Variants in ASMTL observed in about 807,000 individuals in gnomAD.
ASMTL encodes probable bifunctional dTTP/UTP pyrophosphatase/methyltransferase protein.
In ASMTL, 57 loss-of-function variants were observed where a neutral mutation model predicts 60.3. That is an observed-to-expected ratio of 0.95 (90% CI 0.76 to 1.18). The LOEUF (loss-of-function observed/expected upper bound fraction) is 1.18. ASMTL is among the 50% of genes most tolerant of loss of function. ASMTL has a pLI of 0.00. For synonymous variants in ASMTL, 419 were observed against 373.0 expected, an observed-to-expected ratio of 1.12 and a Z score of -1.42; for missense variants, 981 against 852.6, an observed-to-expected ratio of 1.15 and a Z score of -1.88.
At chrX:1,444,288 A>AAGCTC (rs1169936506) in intron 1 of ASMTL, among the ~76,000 whole-genome samples, 20 of 150,514 alleles carry the variant, frequency 1.3e-4, no homozygotes, top group African/African-American at 4.4e-4. Context: ...GGCTCACTGC[A>AAGCTC]AGCTCCATCT....
rs1327115979 is a variant in ASMTL, at chrX:1,432,753, C to G, written c.401-376G>C. On this transcript the variant is annotated intron_variant, in intron 5 of 12. Transcript: ENST00000381317. ...CTGAGGCAGGAGAATCGCTTGAACC[C>G]GGGAGGTGCAGGTTGCAGTGAGCCG... 1.6e-3 allele frequency among the ~76,000 whole-genome samples: 240 copies of G among 152,046 alleles called. 1 individual carries two copies. Among genetic ancestry groups the G allele is most frequent in the African/African-American group, 5.6e-3 (231 of 41,458 alleles).
intron 12 of ASMTL, among the ~76,000 whole-genome samples, chrX:1,405,233 G>A (rs1358274567): frequency 6.7e-6 from 1 of 150,200 alleles, no homozygotes; most frequent in South Asian, 2.1e-4. Context: ...TAGATGGATG[G>A]ATGGGTGAAC....
intron 11 of ASMTL, among the ~76,000 whole-genome samples, chrX:1,415,220 C>CGTGAGCCTGGGCACGTGGCCCAGGT (rs1363600814): frequency 1.3e-5 from 2 of 152,138 alleles, no homozygotes; most frequent in African/African-American, 4.8e-5. Context: ...GGATTCCAGG[C>CGTGAGCCTGGGCACGTGGCCCAGGT]GTCTCCTGTC....
chrX:1,444,105 C>A (rs2091181631), intron 1 of ASMTL, among the ~76,000 whole-genome samples: 1 of 152,204 alleles, frequency 6.6e-6, no homozygotes, highest in South Asian at 2.1e-4. Context: ...TCCCCTCCGA[C>A]CAGAGACAGT....
At chrX:1,444,693 CTCTT>C (rs1339267318) in intron 1 of ASMTL, among the ~76,000 whole-genome samples, 1 of 152,104 alleles carries the variant, frequency 6.6e-6, no homozygotes, top group Admixed American at 6.6e-5. Context: ...CTCTCTCTCC[CTCTT>C]TGAGTGTTGG....
In ASMTL at chrX:1,424,008, ATCCATCCATCTG is replaced by A. The variant is rs1466300394; in HGVS notation, c.1060+1505_1060+1516del. 4.7e-3 allele frequency among the ~76,000 whole-genome samples: 698 copies of A among 149,552 alleles called. 6 individuals are homozygous for A. The highest frequency in any genetic ancestry group is 0.016 in the African/African-American group (625 of 40,216). On this transcript the variant is annotated intron_variant, in intron 8 of 12. Transcript: ENST00000381317. ...CATTCCCCCACCCATCCAATCACTCATCCATCCATCTGTCCATCCATCCATCCATCCACCCAC... is the reference window on the plus strand; with the variant it reads ...CATTCCCCCACCCATCCAATCACTCATCCATCCATCCATCCATCCACCCAC...
chrX:1,403,518 C>G, intron 12 of ASMTL, 29 bp from the exon 13 acceptor site: 1 of 1,603,382 alleles, frequency 6.2e-7, no homozygotes. Context: ...AGCTGGAGTC[C>G]TGGCCAGCCA....
rs1164197061 is a variant in ASMTL at position 1,430,828 on chromosome X, A to C, written c.509+1441T>G. On this transcript the variant is annotated intron_variant, in intron 6 of 12. Coordinates refer to ENST00000381317, the MANE Select transcript of ASMTL (RefSeq NM_004192.4). ...TATAAAATAAACATATATTTTATAC[A>C]AATGTATTTATATACATATATTTAT... Among the ~76,000 whole-genome samples, 4 of 146,680 alleles carry C rather than the reference A, an allele frequency of 2.7e-5. No homozygotes were observed. The East Asian group carries it at 5.9e-4, about 21-fold the overall frequency.
chrX:1,444,116 C>T (rs1487429863), intron 1 of ASMTL, among the ~76,000 whole-genome samples: 2 of 152,224 alleles, frequency 1.3e-5, no homozygotes, highest in Non-Finnish European at 2.9e-5. Context: ...CAGAGACAGT[C>T]CAACCCCGCA....
intron 1 of ASMTL, among the ~76,000 whole-genome samples, chrX:1,443,048 C>G (rs758251639): frequency 0.071 from 6,574 of 92,702 alleles, 464 homozygotes; most frequent in African/African-American, 0.18. Flanking sequence ...GGACGCATAC[C>G]ACCATCGTGG....
intron 4 of ASMTL, chrX:1,435,451 C>T (rs1172568175): frequency 3.2e-6 from 2 of 618,662 alleles, no homozygotes; most frequent in East Asian, 2.7e-5. Flanking sequence ...CTTCTCATGA[C>T]CCCAACAGTC....
chrX:1,407,454 G>A (rs1217427755), intron 12 of ASMTL, among the ~76,000 whole-genome samples: 1 of 150,110 alleles, frequency 6.7e-6, no homozygotes, highest in African/African-American at 2.5e-5. Flanking sequence ...GTAGATGATA[G>A]GTAGATAGAT....
chrX:1,437,553 A>C (rs1242897990), intron 3 of ASMTL, among the ~76,000 whole-genome samples: 9 of 151,946 alleles, frequency 5.9e-5, no homozygotes, highest in African/African-American at 2.2e-4. Context: ...GAGATGTCTT[A>C]GTCCATTTCA....
At chrX:1,416,595 A>G (rs1354163826) in intron 11 of ASMTL, among the ~76,000 whole-genome samples, 2 of 115,790 alleles carry the variant, frequency 1.7e-5, no homozygotes, top group African/African-American at 3.4e-5. Context: ...AGACATACAC[A>G]CATATACCCA....
At chrX:1,417,518 G>C (rs28656406) in intron 11 of ASMTL, among the ~76,000 whole-genome samples, 1 of 30,344 alleles carries the variant, frequency 3.3e-5, no homozygotes, top group Non-Finnish European at 8.8e-5. Context: ...TACAGACACA[G>C]ACATGCACAC....
chrX:1,437,804 G>T (rs1357610748), intron 3 of ASMTL, among the ~76,000 whole-genome samples: 1 of 151,664 alleles, frequency 6.6e-6, no homozygotes, highest in African/African-American at 2.4e-5. Context: ...GGCTGAGGCA[G>T]GAGAATCATT....
chrX:1,404,736 T>C (rs1381732294), intron 12 of ASMTL, among the ~76,000 whole-genome samples: 1 of 149,248 alleles, frequency 6.7e-6, no homozygotes, highest in Non-Finnish European at 1.5e-5. Context: ...GATGGATGGA[T>C]GGGTGAATAG....
Position 1,412,721 on chromosome X carries a change from TG to T in ASMTL, c.1645+10del, listed in dbSNP as rs1422496653. The T allele has an allele frequency of 6.2e-7, 1 of 1,613,972 alleles. No homozygotes were observed. The highest frequency in any genetic ancestry group is 1.1e-5 in the South Asian group (1 of 91,074). On this transcript the variant is annotated intron_variant, in intron 12 of 12. Transcript: ENST00000381317. Reference sequence around the variant, plus strand: ...TTAACAAAAACAGCTAACCTGACGATGGGCTCTCACCTGGCTTGCAGCTCTC... The same window carrying T: ...TTAACAAAAACAGCTAACCTGACGATGGCTCTCACCTGGCTTGCAGCTCTC...
At chrX:1,424,712 A>ATCCATCCACACATCCT (rs1335988080) in intron 8 of ASMTL, among the ~76,000 whole-genome samples, 2 of 149,750 alleles carry the variant, frequency 1.3e-5, no homozygotes, top group Non-Finnish European at 3.0e-5. Flanking sequence ...TCATCCACCC[A>ATCCATCCACACATCCT]TCCATCCACA....
Sources: allele counts gnomAD v4.1 joint callset (sites outside exome capture counted in the v4.1 genomes callset), GRCh38; gene constraint gnomAD v4.1.1; transcripts MANE v1.5; gene names NCBI Gene and HGNC (gene_info 2026-07-23, HGNC 2026-07-21).